Variants in CTNNA3 observed in about 807,000 individuals in gnomAD.
CTNNA3 encodes catenin alpha-3.
Under a neutral mutation model 95.7 loss-of-function variants are expected in CTNNA3, and 76 were observed. That is an observed-to-expected ratio of 0.79 (90% CI 0.66 to 0.96). CTNNA3 has a LOEUF of 0.96. Ranked by LOEUF, CTNNA3 falls within the 40% of genes least tolerant of loss-of-function variation. CTNNA3 has a pLI of 0.00. For missense variants in CTNNA3, 1,191 were observed against 1,089.8 expected (o/e 1.09, Z -1.31); for synonymous variants, 431 against 374.4 (o/e 1.15, Z -1.74).
intron 1 of CTNNA3, among the ~76,000 whole-genome samples, chr10:67,729,334 T>C (rs1841261892): frequency 6.6e-6 from 1 of 152,122 alleles, no homozygotes; most frequent in African/African-American, 2.4e-5. Context: ...AAGAAACATT[T>C]ATAGATCTAT....
chr10:67,000,276 T>G lies in CTNNA3; in HGVS notation c.1047+180041A>C, dbSNP rs528105984. On this transcript the variant is annotated intron_variant, in intron 7 of 17. Coordinates refer to ENST00000433211, the MANE Select transcript of CTNNA3 (RefSeq NM_013266.4). ...CATTTGGAATAGATTTCTAAACTCC[T>G]CTTACATAAATAATTGGTGAGTGAT... Among the ~76,000 whole-genome samples, 6 of 152,318 alleles carry G rather than the reference T, an allele frequency of 3.9e-5. No individual in the cohort carries two copies. In the East Asian group the frequency reaches 9.7e-4, roughly 25 times the overall value.
chr10:66,249,788 C>A (rs1162185372), intron 13 of CTNNA3, among the ~76,000 whole-genome samples: 1 of 152,106 alleles, frequency 6.6e-6, no homozygotes, highest in Admixed American at 6.5e-5. Context: ...AGCACCACTG[C>A]ACTCCAGCTT....
chr10:66,302,652 T>A (rs1265505086), intron 12 of CTNNA3, among the ~76,000 whole-genome samples: 1 of 152,152 alleles, frequency 6.6e-6, no homozygotes, highest in Non-Finnish European at 1.5e-5. Flanking sequence ...ACCATGATAA[T>A]GTAAGATGTT....
At chr10:66,874,111 TCA>T (rs1389924649) in intron 7 of CTNNA3, among the ~76,000 whole-genome samples, 3 of 114,048 alleles carry the variant, frequency 2.6e-5, no homozygotes, top group Non-Finnish European at 4.0e-5. Flanking sequence ...AGTCCTCAAG[TCA>T]CAGTCATTCA....
At chr10:66,184,453 A>G (rs147028696) in intron 13 of CTNNA3, among the ~76,000 whole-genome samples, 4 of 152,326 alleles carry the variant, frequency 2.6e-5, no homozygotes, top group African/African-American at 9.6e-5. Flanking sequence ...AAAATGTTAA[A>G]TAATCTAGAA....
At chr10:66,184,150 T>A (rs113169933) in intron 13 of CTNNA3, among the ~76,000 whole-genome samples, 2 of 152,026 alleles carry the variant, frequency 1.3e-5, no homozygotes, top group Non-Finnish European at 2.9e-5. Flanking sequence ...AATACAAAAA[T>A]TAGCTGGGCG....
At chr10:66,480,772 T>G (rs1010497674) in intron 11 of CTNNA3, among the ~76,000 whole-genome samples, 40 of 151,916 alleles carry the variant, frequency 2.6e-4, no homozygotes, top group Non-Finnish European at 4.9e-4. Flanking sequence ...GCCCGGTTAA[T>G]TTTTTGTATT....
chr10:66,916,872 T>C (rs1846520060), intron 7 of CTNNA3, among the ~76,000 whole-genome samples: 1 of 152,278 alleles, frequency 6.6e-6, no homozygotes, highest in Non-Finnish European at 1.5e-5. Context: ...TTTTCCTTTT[T>C]AATGGTGGCC....
chr10:66,124,430 C>A (rs538134995), intron 13 of CTNNA3, among the ~76,000 whole-genome samples: 103 of 152,270 alleles, frequency 6.8e-4, no homozygotes, highest in African/African-American at 2.3e-3. Flanking sequence ...ATAGGGTGTT[C>A]TAAACTTTTC....
intron 7 of CTNNA3, among the ~76,000 whole-genome samples, chr10:66,821,328 C>G (rs1842297593): frequency 1.3e-5 from 2 of 152,062 alleles, no homozygotes; most frequent in African/African-American, 4.8e-5. Flanking sequence ...AATGCTTTGC[C>G]AGCAGGTCCC....
At chr10:66,705,019 A>C (rs1848071707) in intron 9 of CTNNA3, among the ~76,000 whole-genome samples, 1 of 151,890 alleles carries the variant, frequency 6.6e-6, no homozygotes, top group East Asian at 1.9e-4. Flanking sequence ...TGCTCTAATG[A>C]TGTTTGCATT....
chr10:66,282,876 C>T (rs55774806), intron 12 of CTNNA3, among the ~76,000 whole-genome samples: 7,203 of 151,598 alleles, frequency 0.048, 257 homozygotes, highest in Middle Eastern at 0.095. Context: ...AATAAATGAT[C>T]GAATGAATTA....
intron 2 of CTNNA3, among the ~76,000 whole-genome samples, chr10:67,618,401 T>C (rs187821487): frequency 4.2e-4 from 64 of 152,334 alleles, no homozygotes; most frequent in Non-Finnish European, 8.4e-4. Context: ...TTGATAATCA[T>C]TTACAACCCT....
Position 67,198,550 on chromosome 10 carries a change from G to A in CTNNA3, c.844-18030C>T, listed in dbSNP as rs548887258. Among the ~76,000 whole-genome samples the A allele has an allele frequency of 4.3e-4, 66 of 152,316 alleles. 1 individual carries two copies. The highest frequency in any genetic ancestry group is 3.4e-3 in the Middle Eastern group (1 of 294). ...TCTGAGAAAAAAGAATTCTGAGAAG[G>A]AAAATGGAAAGGACAATCAAAGGCA... On this transcript the variant is annotated intron_variant, in intron 6 of 17. Coordinates refer to ENST00000433211, the MANE Select transcript of CTNNA3 (RefSeq NM_013266.4).
At chr10:66,832,642 A>G (rs1051871238) in intron 7 of CTNNA3, among the ~76,000 whole-genome samples, 2 of 151,750 alleles carry the variant, frequency 1.3e-5, no homozygotes, top group Admixed American at 6.6e-5. Context: ...AAAAAAAAAA[A>G]GGAAGAAGAA....
intron 3 of CTNNA3, among the ~76,000 whole-genome samples, chr10:67,540,989 T>C (rs1286528016): frequency 1.3e-5 from 2 of 151,962 alleles, no homozygotes; most frequent in Non-Finnish European, 2.9e-5. Context: ...CCTACTATTT[T>C]ATGAGTATTA....
chr10:67,030,401 C>G (rs1205723618), intron 7 of CTNNA3, among the ~76,000 whole-genome samples: 1 of 151,948 alleles, frequency 6.6e-6, no homozygotes, highest in Non-Finnish European at 1.5e-5. Flanking sequence ...AAATAGCTCA[C>G]CAGTTAAAAA....
intron 7 of CTNNA3, among the ~76,000 whole-genome samples, chr10:66,897,490 G>C (rs1564750469): frequency 6.6e-6 from 1 of 151,992 alleles, no homozygotes; most frequent in Non-Finnish European, 1.5e-5. Flanking sequence ...AATTTAAAAA[G>C]GGAATATAAC....
chr10:67,401,844 A>C (rs527946933), intron 5 of CTNNA3, among the ~76,000 whole-genome samples: 5 of 152,324 alleles, frequency 3.3e-5, no homozygotes, highest in African/African-American at 1.2e-4. Context: ...TCACTTTACT[A>C]ATCCTGCCCT....
Sources: allele counts gnomAD v4.1 joint callset (sites outside exome capture counted in the v4.1 genomes callset), GRCh38; gene constraint gnomAD v4.1.1; transcripts MANE v1.5; gene names NCBI Gene and HGNC (gene_info 2026-07-23, HGNC 2026-07-21).